Variants in TTC14 observed in about 807,000 individuals in gnomAD.
TTC14 encodes the protein tetratricopeptide repeat domain 14, also known as tetratricopeptide repeat protein 14.
TTC14 carries 63 observed loss-of-function variants against 79.9 expected under a neutral mutation model. The ratio of observed to expected loss-of-function variants is 0.79; its 90% CI spans 0.64 to 0.97. The LOEUF (loss-of-function observed/expected upper bound fraction) is 0.97. Ranked by LOEUF, TTC14 falls within the 50% of genes least tolerant of loss-of-function variation. TTC14 has a pLI of 0.00. For missense variants in TTC14, 895 were observed against 894.0 expected (o/e 1.00, Z -0.01); for synonymous variants, 335 against 309.6 (o/e 1.08, Z -0.86).
chr3:180,605,029 C>T (rs1716599022), intron 6 of TTC14, 22 bp downstream of exon 6: 1 of 1,591,396 alleles, frequency 6.3e-7, no homozygotes. Context: ...CAGTATTACT[C>T]TTAGATGGTG....
At chr3:180,609,283 G>A in intron 11 of TTC14, 6 of 946,078 alleles carry the variant, frequency 6.3e-6, no homozygotes, top group Non-Finnish European at 7.6e-6. Flanking sequence ...TTATTTGGCT[G>A]AAAATACCAA....
Position 180,602,198 on chromosome 3 carries a change from A to G in TTC14, c.-64A>G. The G allele has an allele frequency of 1.3e-6, 2 of 1,584,120 alleles. No homozygotes were observed. The highest frequency in any genetic ancestry group is 1.7e-6 in the Non-Finnish European group (2 of 1,164,822). Reference sequence around the variant, plus strand: ...TTCCGCTTCCTGTACCACCCGGCTCAAGTAGCGGACACGGAACAGGGAACT... The same window carrying G: ...TTCCGCTTCCTGTACCACCCGGCTCGAGTAGCGGACACGGAACAGGGAACT... On this transcript the variant is annotated 5_prime_UTR_variant, in exon 1 of 12. Transcript: ENST00000296015.
rs537083409 is a variant in TTC14 at position 180,608,093 on chromosome 3, TA to T, written c.1290+329del. 2.5e-5 allele frequency: 26 copies of T among 1,035,032 alleles called. No homozygotes were observed. The South Asian group carries it at 5.7e-4, about 23-fold the overall frequency. The allele number at this position is 1,035,032 out of a possible 1,614,324, so 64.1% of individuals were successfully genotyped here. ...TAATTATAAAAACCTTTTTGAGACA[TA>T]TTTTAAATTGTCTTTTCCTGTAATA... On this transcript the variant is annotated intron_variant, in intron 10 of 11. Coordinates refer to ENST00000296015, the MANE Select transcript of TTC14 (RefSeq NM_133462.4).
chr3:180,612,669 C>T (rs188461991), downstream of TTC14, among the ~76,000 whole-genome samples: 76 of 151,322 alleles, frequency 5.0e-4, 1 homozygote, highest in African/African-American at 1.6e-3. Context: ...CCCAGGAGTT[C>T]GAGGCTGCAG....
chr3:180,607,498 A>G, intron 9 of TTC14, 150 bp from the exon 10 acceptor site: 1 of 1,236,020 alleles, frequency 8.1e-7, no homozygotes, highest in Non-Finnish European at 1.0e-6. Context: ...AAATTACAGT[A>G]AAAAGCATAT....
chr3:180,610,450 A>G lies in TTC14; in HGVS notation c.2221A>G (p.Ser741Gly), dbSNP rs769624715. The G allele has an allele frequency of 6.2e-7, 1 of 1,610,534 alleles. No individual in the cohort carries two copies. The highest frequency in any genetic ancestry group is 1.1e-5 in the South Asian group (1 of 89,752). ...ALSSKEHSES[S>G]VKKNLPQNLL... is the part of the protein sequence containing the mutation. ...AAGTAGCAAAGAACACTCAGAAAGCAGTGTTAAGAAAAATTTACCTCAGAA... is the reference window on the plus strand; with the variant it reads ...AAGTAGCAAAGAACACTCAGAAAGCGGTGTTAAGAAAAATTTACCTCAGAA... The change falls in exon 12 of 12, where the codon AGT (serine) becomes GGT (glycine). Residue 741 changes from serine (S) to glycine (G), a missense_variant. Physicochemically the swap from Ser to Gly is moderately conservative, Grantham distance 56. Coordinates refer to ENST00000296015, the MANE Select transcript of TTC14 (RefSeq NM_133462.4).
In TTC14 at chr3:180,609,777, C is replaced by G; in HGVS notation, c.1548C>G (p.Ser516=). 1 of 1,613,948 alleles carries G rather than the reference C, an allele frequency of 6.2e-7. No homozygotes were observed. The highest frequency in any genetic ancestry group is 1.1e-5 in the South Asian group (1 of 91,056). ...KRNRSESSRS[S]RRHSSRASSN... is the part of the protein sequence containing the mutation. The stretch of plus-strand genomic sequence containing the variant: ...ACCGTTCAGAGTCTTCTCGCAGTTC[C>G]AGAAGGCATTCATCTAGGGCATCCT... The change falls in exon 12 of 12, where the codon TCC becomes TCG. Residue 516 remains serine (S), a synonymous_variant. Coordinates refer to ENST00000296015, the MANE Select transcript of TTC14 (RefSeq NM_133462.4).
Position 180,610,585 on chromosome 3 carries a change from T to G in TTC14, c.*43T>G. ...CACCATTACACAAAATGCCATTAAG[T>G]GAAGTTTTTGGTTGTATTAGTCATA... On this transcript the variant is annotated 3_prime_UTR_variant, in exon 12 of 12. Coordinates refer to ENST00000296015, the MANE Select transcript of TTC14 (RefSeq NM_133462.4). 6.6e-7 allele frequency: 1 copy of G among 1,520,522 alleles called. No individual in the cohort carries two copies. The highest frequency in any genetic ancestry group is 8.8e-7 in the Non-Finnish European group (1 of 1,142,116). The allele number at this position is 1,520,522 out of a possible 1,614,324, so 94.2% of individuals were successfully genotyped here.
intron 9 of TTC14, among the ~76,000 whole-genome samples, chr3:180,607,188 C>G (rs1159993466): frequency 6.6e-6 from 1 of 152,142 alleles, no homozygotes; most frequent in Non-Finnish European, 1.5e-5. Context: ...CTTTCTCATT[C>G]TGGTGTTTCA....
intron 5 of TTC14, 24 bp downstream of exon 5, chr3:180,604,631 C>T (rs199903646): frequency 2.5e-6 from 4 of 1,586,002 alleles, no homozygotes; most frequent in Non-Finnish European, 3.4e-6. Flanking sequence ...ATTATTTCAA[C>T]AACAGTTCAT....
rs1269500077 is a variant in TTC14, at chr3:180,604,353, A to C, written c.571+44A>C. 7 of 1,585,952 alleles carry C rather than the reference A, an allele frequency of 4.4e-6. No individual in the cohort carries two copies. In the East Asian group the frequency reaches 1.6e-4, roughly 36 times the overall value. On this transcript the variant is annotated intron_variant, in intron 4 of 11. Coordinates refer to ENST00000296015, the MANE Select transcript of TTC14 (RefSeq NM_133462.4). Reference sequence around the variant, plus strand: ...CTAATAAAAAAGTAATGATTGTTGAATTTTTGTTTTTATTAATTTAAAAAA... The same window carrying C: ...CTAATAAAAAAGTAATGATTGTTGACTTTTTGTTTTTATTAATTTAAAAAA...
downstream of TTC14, among the ~76,000 whole-genome samples, chr3:180,612,958 A>C (rs1202314325): frequency 1.3e-5 from 2 of 152,192 alleles, no homozygotes; most frequent in African/African-American, 4.8e-5. Context: ...GAAGAGATAA[A>C]AATGGCCAAG....
At chr3:180,612,482 G>C (rs982666726), downstream of TTC14, among the ~76,000 whole-genome samples, 1 of 152,166 alleles carries the variant, frequency 6.6e-6, no homozygotes, top group Non-Finnish European at 1.5e-5. Context: ...GTGGAAGCAA[G>C]AGGGGCTGAG....
Position 180,608,783 on chromosome 3 carries a change from T to C in TTC14, c.1373T>C (p.Leu458Ser). ...AAAATAGAAACAAGTGCAGAAAAGT[T>C]GCGTAAGCTCTTAAAAGAAGAGAAG... ...TKKIETSAEK[L>S]RKLLKEEKRL... Residue 458 changes from leucine to serine, a missense_variant, in exon 11 of 12, where the codon TTG becomes TCG. Leu to Ser is a moderately radical substitution (Grantham distance 145). Transcript: ENST00000296015. The C allele has an allele frequency of 6.4e-7, 1 of 1,555,582 alleles. No homozygotes were observed. The highest frequency in any genetic ancestry group is 1.4e-5 in the African/African-American group (1 of 72,204).
chr3:180,614,702 ATAAC>A, downstream of TTC14: 4 of 438,964 alleles, frequency 9.1e-6, no homozygotes, highest in Non-Finnish European at 1.6e-5. Context: ...CTATGCTTGT[ATAAC>A]ATGTAGCCTT....
At chr3:180,616,217 G>T in intron 12 of TTC14, 1 of 1,381,982 alleles carries the variant, frequency 7.2e-7, no homozygotes, top group Non-Finnish European at 1.0e-6. Flanking sequence ...ATGTAGAAGT[G>T]GCTGGAATCA....
In TTC14 at chr3:180,603,120, T is replaced by C. The variant is rs759077738; in HGVS notation, c.287-4T>C. On this transcript the variant is annotated splice_region_variant and splice_polypyrimidine_tract_variant and intron_variant, in intron 2 of 11. Transcript: ENST00000296015. ...TAGTGATTTTGTTAATTTTTTTTTT[T>C]TAGATCATTATGCAATCATGCCACC... 1 of 1,610,658 alleles carries C rather than the reference T, an allele frequency of 6.2e-7. No individual in the cohort carries two copies. The highest frequency in any genetic ancestry group is 2.2e-5 in the East Asian group (1 of 44,858).
rs531766862 is a variant in TTC14, at chr3:180,603,109, A to T, written c.287-15A>T. ...AAAACTATCGTTAGTGATTTTGTTA[A>T]TTTTTTTTTTTTAGATCATTATGCA... On this transcript the variant is annotated splice_polypyrimidine_tract_variant and intron_variant, in intron 2 of 11. Transcript: ENST00000296015. The T allele has an allele frequency of 1.6e-5, 19 of 1,204,500 alleles. No individual in the cohort carries two copies. Among genetic ancestry groups the T allele is most frequent in the African/African-American group, 1.2e-4 (8 of 65,832 alleles). The allele number at this position is 1,204,500 out of a possible 1,614,324, so 74.6% of individuals were successfully genotyped here. A position where few individuals can be genotyped will look rare whatever the true frequency, so the allele number is the denominator to read the frequency against.
At chr3:180,617,811 T>C (rs1421399103) in exon 13 of TTC14, 1 of 225,426 alleles carries the variant, frequency 4.4e-6, no homozygotes, top group Non-Finnish European at 8.6e-6. Context: ...AATAAAATTA[T>C]TTTTATGAAT....
Sources: gnomAD v4.1 joint callset for allele counts (sites outside exome capture counted in the v4.1 genomes callset) on GRCh38, gnomAD v4.1.1 for gene constraint, MANE v1.5 for transcripts, NCBI Gene and HGNC (gene_info 2026-07-23, HGNC 2026-07-21) for gene names.